Variants in LRRC37A2 observed in about 807,000 individuals in gnomAD.
LRRC37A2 encodes the protein leucine rich repeat containing 37 member A2, also known as leucine-rich repeat-containing protein 37A2.
A neutral mutation model predicts 68.8 loss-of-function variants in LRRC37A2; 9 were observed. The ratio of observed to expected loss-of-function variants is 0.13; its 90% CI spans 0.08 to 0.23. The LOEUF is 0.23. Ranked by LOEUF, LRRC37A2 falls within the 10% of genes least tolerant of loss-of-function variation. The pLI is 1.00. For synonymous variants in LRRC37A2, 63 were observed against 367.6 expected, an observed-to-expected ratio of 0.17 and a Z score of 9.48; for missense variants, 168 against 950.4, an observed-to-expected ratio of 0.18 and a Z score of 10.82.
At chr17:47,043,600 T>G in the LRRC37A2 span, among the ~76,000 whole-genome samples, 1 of 151,230 alleles carries the variant, frequency 6.6e-6, no homozygotes, top group Non-Finnish European at 1.5e-5. Context: ...GGCTGTGATG[T>G]CATACAAGAA....
At chr17:46,963,245 G>A in the LRRC37A2 span, among the ~76,000 whole-genome samples, 1 of 152,222 alleles carries the variant, frequency 6.6e-6, no homozygotes, top group Non-Finnish European at 1.5e-5. Flanking sequence ...AAGATGATCA[G>A]TTAAGTAGGC....
the LRRC37A2 span, chr17:46,966,652 A>G: frequency 1.7e-6 from 1 of 594,234 alleles, no homozygotes; most frequent in Non-Finnish European, 3.1e-6. Context: ...CTGACCTCCA[A>G]ATACCTTTTG....
chr17:47,043,367 C>T, the LRRC37A2 span, among the ~76,000 whole-genome samples: 1 of 150,718 alleles, frequency 6.6e-6, no homozygotes, highest in African/African-American at 2.4e-5. Flanking sequence ...GGCATGGTGG[C>T]GGGCACCTGT....
chr17:47,016,184 TCCC>T, the LRRC37A2 span, among the ~76,000 whole-genome samples: 1 of 151,940 alleles, frequency 6.6e-6, no homozygotes, highest in South Asian at 2.1e-4. Context: ...ACCTCAGTGA[TCCC>T]CCCACCTCGG....
the LRRC37A2 span, among the ~76,000 whole-genome samples, chr17:46,495,479 G>C: frequency 1.4e-5 from 2 of 147,822 alleles, no homozygotes; most frequent in South Asian, 4.2e-4. Flanking sequence ...CCACCTCCCA[G>C]GTTGAAATTA....
At chr17:47,006,154 G>A in the LRRC37A2 span, among the ~76,000 whole-genome samples, 1 of 151,836 alleles carries the variant, frequency 6.6e-6, no homozygotes, top group African/African-American at 2.4e-5. Context: ...CTCTGCAACA[G>A]AGCGAGACTC....
At chr17:46,940,751 C>G in the LRRC37A2 span, 4 of 1,563,570 alleles carry the variant, frequency 2.6e-6, no homozygotes, top group Non-Finnish European at 3.5e-6. Flanking sequence ...CATGCTGCAC[C>G]TTCAGAGCCA....
At chr17:46,494,350 C>T in the LRRC37A2 span, among the ~76,000 whole-genome samples, 2 of 148,652 alleles carry the variant, frequency 1.3e-5, no homozygotes, top group Non-Finnish European at 2.9e-5. Context: ...GTTCATCTAA[C>T]AGCTCTACCT....
chr17:46,959,548 G>GA, the LRRC37A2 span, among the ~76,000 whole-genome samples: 4,715 of 151,910 alleles, frequency 0.031, 133 homozygotes, highest in African/African-American at 0.075. Flanking sequence ...AGGTTTTTGG[G>GA]AAAAAAACAC....
chr17:46,975,389 C>G, the LRRC37A2 span: 1 of 152,288 alleles, frequency 6.6e-6, no homozygotes. Flanking sequence ...GTGGGGCTTT[C>G]TAGAACCATC....
At chr17:46,736,501 T>G in the LRRC37A2 span, among the ~76,000 whole-genome samples, 3 of 152,254 alleles carry the variant, frequency 2.0e-5, no homozygotes, top group Non-Finnish European at 2.9e-5. Flanking sequence ...CCTCTACTCC[T>G]TACCCTGTTA....
At chr17:46,440,474 AT>A in the LRRC37A2 span, among the ~76,000 whole-genome samples, 5 of 48,706 alleles carry the variant, frequency 1.0e-4, no homozygotes, top group Admixed American at 1.9e-4. Context: ...GTGTATCAGA[AT>A]TTTTTTTTTT....
chr17:46,957,473 TGTG>T, the LRRC37A2 span, among the ~76,000 whole-genome samples: 1 of 151,858 alleles, frequency 6.6e-6, no homozygotes, highest in Admixed American at 6.6e-5. Context: ...ACTAGCCAGG[TGTG>T]GTGGTGGGTG....
the LRRC37A2 span, among the ~76,000 whole-genome samples, chr17:46,897,969 G>A: frequency 6.6e-6 from 1 of 152,130 alleles, no homozygotes; most frequent in Non-Finnish European, 1.5e-5. Context: ...GGAGGGAGGG[G>A]GTACATGGCC....
At chr17:47,033,920 C>T in the LRRC37A2 span, among the ~76,000 whole-genome samples, 12 of 152,174 alleles carry the variant, frequency 7.9e-5, no homozygotes, top group African/African-American at 2.7e-4. Flanking sequence ...AAAAAGCTTG[C>T]CACATTTTAC....
the LRRC37A2 span, among the ~76,000 whole-genome samples, chr17:46,889,250 A>G: frequency 6.6e-6 from 1 of 151,954 alleles, no homozygotes; most frequent in South Asian, 2.1e-4. Flanking sequence ...GCAATGAACC[A>G]CTCACTCAGA....
chr17:46,878,118 G>T, the LRRC37A2 span, among the ~76,000 whole-genome samples: 3 of 152,216 alleles, frequency 2.0e-5, no homozygotes, highest in African/African-American at 4.8e-5. Context: ...ACCTTGCAGG[G>T]GTCCCCTTGC....
the LRRC37A2 span, among the ~76,000 whole-genome samples, chr17:46,863,939 C>G: frequency 9.2e-5 from 14 of 152,232 alleles, no homozygotes; most frequent in African/African-American, 3.4e-4. Flanking sequence ...TACAGCTGGG[C>G]GAAGGGTGTG....
chr17:46,877,087 G>A, the LRRC37A2 span: 2 of 1,057,084 alleles, frequency 1.9e-6, no homozygotes, highest in East Asian at 6.8e-5. Flanking sequence ...ATGGCTTGGA[G>A]CCAGCATGTT....
Sources: allele counts gnomAD v4.1 joint callset (sites outside exome capture counted in the v4.1 genomes callset), GRCh38; gene constraint gnomAD v4.1.1; transcripts MANE v1.5; gene names NCBI Gene and HGNC (gene_info 2026-07-23, HGNC 2026-07-21).